RTN1: variants seen among roughly 807,000 people sequenced by gnomAD.
RTN1 encodes the protein reticulon 1, also known as reticulon-1.
In RTN1, 25 loss-of-function variants were observed where a neutral mutation model predicts 65.5. The ratio of observed to expected loss-of-function variants is 0.38; its 90% CI spans 0.28 to 0.53. RTN1 has a LOEUF of 0.53. Among genes scored for constraint, RTN1 ranks in the 20% least tolerant of loss-of-function variants. RTN1 has a pLI of 0.79. For synonymous variants in RTN1, 471 were observed against 447.6 expected, an observed-to-expected ratio of 1.05 and a Z score of -0.66; for missense variants, 983 against 1,025.4, an observed-to-expected ratio of 0.96 and a Z score of 0.57.
chr14:59,653,425 A>C (rs1203973423), intron 3 of RTN1, among the ~76,000 whole-genome samples: 1 of 152,180 alleles, frequency 6.6e-6, no homozygotes, highest in Non-Finnish European at 1.5e-5. Context: ...TAGAAAGGAA[A>C]TTTCCCCCAG....
At chr14:59,703,141 C>G (rs1374605303) in intron 3 of RTN1, among the ~76,000 whole-genome samples, 1 of 152,126 alleles carries the variant, frequency 6.6e-6, no homozygotes, top group Non-Finnish European at 1.5e-5. Context: ...ATCCCTCTAA[C>G]TCTTTCTACT....
intron 1 of RTN1, among the ~76,000 whole-genome samples, chr14:59,833,076 T>C (rs570531607): frequency 6.6e-6 from 1 of 152,270 alleles, no homozygotes; most frequent in East Asian, 1.9e-4. Context: ...GTGTAGGGTG[T>C]CAAGAAAATA....
At chr14:59,630,688 C>G (rs1198053964) in intron 3 of RTN1, 1 of 1,171,848 alleles carries the variant, frequency 8.5e-7, no homozygotes, top group Non-Finnish European at 1.1e-6. Context: ...TCTGCGCGGC[C>G]GGCAGCGAAT....
At chr14:59,688,247 G>C (rs1257719580) in intron 3 of RTN1, among the ~76,000 whole-genome samples, 1 of 152,134 alleles carries the variant, frequency 6.6e-6, no homozygotes, top group Non-Finnish European at 1.5e-5. Flanking sequence ...TCCATTCCCA[G>C]GCAGATCTCC....
At chr14:59,791,612 A>ACCC (rs1886349787) in intron 1 of RTN1, among the ~76,000 whole-genome samples, 2 of 152,168 alleles carry the variant, frequency 1.3e-5, no homozygotes, top group African/African-American at 4.8e-5. Flanking sequence ...CCCAGCAGAC[A>ACCC]GAGGCTGAAG....
chr14:59,696,827 TC>T (rs1420641217), intron 3 of RTN1, among the ~76,000 whole-genome samples: 4 of 152,188 alleles, frequency 2.6e-5, no homozygotes, highest in African/African-American at 9.6e-5. Flanking sequence ...AATTTCCTAT[TC>T]TTGGTCCCTA....
At chr14:59,778,941 T>G (rs924779512) in intron 1 of RTN1, among the ~76,000 whole-genome samples, 3 of 152,034 alleles carry the variant, frequency 2.0e-5, no homozygotes, top group African/African-American at 7.2e-5. Flanking sequence ...GCTATAGCAA[T>G]GGGGAGTCAC....
intron 3 of RTN1, among the ~76,000 whole-genome samples, chr14:59,612,479 G>T (rs1232629791): frequency 6.6e-6 from 1 of 152,144 alleles, no homozygotes; most frequent in Non-Finnish European, 1.5e-5. Flanking sequence ...CGCAAGGTTT[G>T]ATTAATAGAA....
rs1235469534 is a variant in RTN1, at chr14:59,727,371, C to T, written c.1313G>A (p.Gly438Asp). ...CGAGGCGGGCGAGGGCGGCGGGCCGCCCACGTGGCCAAAGCTCACATAGCC... is the reference window on the plus strand; with the variant it reads ...CGAGGCGGGCGAGGGCGGCGGGCCGTCCACGTGGCCAAAGCTCACATAGCC... ...PSGYVSFGHV[G>D]GPPPSPASPS... is the part of the protein sequence containing the mutation. Residue 438 changes from glycine (G) to aspartate (D), a missense_variant, in exon 3 of 9, where the codon GGC (glycine) becomes GAC (aspartate). Physicochemically the swap from Gly to Asp is moderately conservative, Grantham distance 94. Coordinates refer to ENST00000267484, the MANE Select transcript of RTN1 (RefSeq NM_021136.3). The surrounding 1 kb of genome is among the most constrained non-coding windows in gnomAD (Gnocchi z 4.2). 13 of 1,522,238 alleles carry T rather than the reference C, an allele frequency of 8.5e-6. No homozygotes were observed. Among genetic ancestry groups the T allele is most frequent in the Non-Finnish European group, 1.1e-5 (12 of 1,134,442 alleles). The allele number at this position is 1,522,238 out of a possible 1,614,324, so 94.3% of individuals were successfully genotyped here.
At position 59,870,505 on chromosome 14, in the gene RTN1, C is replaced by T. The variant is rs1887881212; in HGVS notation, c.126G>A (p.Pro42=). The part of the protein sequence containing the change: ...AVTPKGATPA[P]QAGEPSPGLG... ...ACCCCGGGCTGGGCTCCCCAGCCTG[C>T]GGCGCCGGCGTGGCCCCTTTCGGCG... The change falls in exon 1 of 9, where the codon CCG becomes CCA. Residue 42 remains proline (P), a synonymous_variant. Transcript: ENST00000267484. This position sits in a 1 kb window ranked among gnomAD's most constrained non-coding sequence, Gnocchi z 5.1. 6.9e-7 allele frequency: 1 copy of T among 1,454,136 alleles called. No individual in the cohort carries two copies. The highest frequency in any genetic ancestry group is 9.0e-7 in the Non-Finnish European group (1 of 1,109,286). The allele number at this position is 1,454,136 out of a possible 1,614,324, so 90.1% of individuals were successfully genotyped here.
At chr14:59,714,018 G>A (rs1259621589) in intron 3 of RTN1, among the ~76,000 whole-genome samples, 4 of 152,226 alleles carry the variant, frequency 2.6e-5, no homozygotes, top group African/African-American at 7.2e-5. Context: ...GGCAGATCAC[G>A]AGGTCAGGAG....
chr14:59,785,526 T>C (rs1427380270), intron 1 of RTN1, among the ~76,000 whole-genome samples: 2 of 152,230 alleles, frequency 1.3e-5, no homozygotes, highest in Non-Finnish European at 2.9e-5. Flanking sequence ...TTTGGAAACT[T>C]ATTTAAGCAA....
At chr14:59,755,735 A>C (rs928492397) in intron 1 of RTN1, among the ~76,000 whole-genome samples, 1 of 152,242 alleles carries the variant, frequency 6.6e-6, no homozygotes, top group African/African-American at 2.4e-5. Flanking sequence ...CTGTGATTTA[A>C]CATGACAAAT....
Position 59,870,478 on chromosome 14 carries a change from C to G in RTN1, c.153G>C (p.Leu51Phe), listed in dbSNP as rs757158015. Residue 51 changes from leucine (L) to phenylalanine (F), a missense_variant, in exon 1 of 9, where the codon TTG becomes TTC. Coordinates refer to ENST00000267484, the MANE Select transcript of RTN1 (RefSeq NM_021136.3). This position sits in a 1 kb window ranked among gnomAD's most constrained non-coding sequence, Gnocchi z 5.1. The stretch of plus-strand genomic sequence containing the variant: ...ACGCCGCTTCCCGGGCCCTGGCGCC[C>G]AACCCCGGGCTGGGCTCCCCAGCCT... ...APQAGEPSPG[L>F]GARAREAASR... The G allele has an allele frequency of 1.4e-6, 2 of 1,470,802 alleles. No homozygotes were observed. Among genetic ancestry groups the G allele is most frequent in the Admixed American group, 4.9e-5 (2 of 40,700 alleles). 91.1% of individuals were successfully genotyped at this position (1,470,802 alleles called of 1,614,324 possible).
intron 1 of RTN1, among the ~76,000 whole-genome samples, chr14:59,755,495 G>A (rs1885619976): frequency 6.6e-6 from 1 of 152,130 alleles, no homozygotes; most frequent in African/African-American, 2.4e-5. Flanking sequence ...CCCCTGCCCT[G>A]AGGCTGCCCA....
At chr14:59,635,103 C>T (rs1027610074) in intron 3 of RTN1, among the ~76,000 whole-genome samples, 13 of 152,024 alleles carry the variant, frequency 8.6e-5, no homozygotes, top group Non-Finnish European at 1.2e-4. Context: ...ATCAATACCC[C>T]GACCCACATT....
rs1381749605 is a variant in RTN1 at position 59,790,659 on chromosome 14, T to A, written c.242-44178A>T. On this transcript the variant is annotated intron_variant, in intron 1 of 8. Coordinates refer to ENST00000267484, the MANE Select transcript of RTN1 (RefSeq NM_021136.3). The surrounding 1 kb of genome is among the most constrained non-coding windows in gnomAD (Gnocchi z 4.1). ...TATCAAATTTTCCTAGCACAAAGTTTACTCTTTTGATGTGTAAAATCAGTT... is the reference window on the plus strand; with the variant it reads ...TATCAAATTTTCCTAGCACAAAGTTAACTCTTTTGATGTGTAAAATCAGTT... Among the ~76,000 whole-genome samples, 1 of 152,200 alleles carries A rather than the reference T, an allele frequency of 6.6e-6. No homozygotes were observed. Among genetic ancestry groups the A allele is most frequent in the African/African-American group, 2.4e-5 (1 of 41,456 alleles).
intron 2 of RTN1, among the ~76,000 whole-genome samples, chr14:59,741,963 A>G (rs1436735638): frequency 6.6e-6 from 1 of 152,068 alleles, no homozygotes; most frequent in African/African-American, 2.4e-5. Context: ...TACACTGTTT[A>G]TTTATGGGTT....
At chr14:59,840,046 T>C (rs545283533) in intron 1 of RTN1, among the ~76,000 whole-genome samples, 1 of 152,164 alleles carries the variant, frequency 6.6e-6, no homozygotes, top group Non-Finnish European at 1.5e-5. Flanking sequence ...TTTCTTACTC[T>C]TCCACTTCTG....
Sources: gnomAD v4.1 joint callset for allele counts (sites outside exome capture counted in the v4.1 genomes callset) on GRCh38, gnomAD v4.1.1 for gene constraint, Gnocchi (gnomAD v3.1) non-coding constraint, MANE v1.5 for transcripts, NCBI Gene and HGNC (gene_info 2026-07-23, HGNC 2026-07-21) for gene names.